CAMSAP2: variants seen among roughly 807,000 people sequenced by gnomAD.
CAMSAP2 encodes calmodulin regulated spectrin associated protein family member 2.
CAMSAP2 carries 26 observed loss-of-function variants against 146.1 expected under a neutral mutation model. The observed-to-expected ratio is 0.18, with a 90% confidence interval of 0.13 to 0.25. The LOEUF is 0.25. Among genes scored for constraint, CAMSAP2 ranks in the 10% least tolerant of loss-of-function variants. The probability of loss-of-function intolerance (pLI) is 1.00; values close to 1 mark genes in which losing one functional copy is unlikely to be tolerated. For missense variants in CAMSAP2, 1,381 were observed against 1,759.3 expected, an observed-to-expected ratio of 0.78 and a Z score of 3.85; for synonymous variants, 499 against 596.6, an observed-to-expected ratio of 0.84 and a Z score of 2.38.
intron 4 of CAMSAP2, among the ~76,000 whole-genome samples, chr1:200,828,075 G>T (rs1486475797): frequency 2.0e-5 from 3 of 152,036 alleles, no homozygotes; most frequent in African/African-American, 7.2e-5. Context: ...TGAAGGAAAT[G>T]ATCATCTTGA....
intron 3 of CAMSAP2, among the ~76,000 whole-genome samples, chr1:200,814,954 C>A (rs961491195): frequency 2.0e-5 from 3 of 151,738 alleles, no homozygotes; most frequent in African/African-American, 7.3e-5. Flanking sequence ...AATTTATGCA[C>A]CATGTAGACT....
Position 200,848,363 on chromosome 1 carries a change from G to A in CAMSAP2, c.1594G>A (p.Glu532Lys), listed in dbSNP as rs778392044. 8 of 1,613,868 alleles carry A rather than the reference G, an allele frequency of 5.0e-6. No individual in the cohort carries two copies. Among genetic ancestry groups the A allele is most frequent in the Admixed American group, 3.3e-5 (2 of 59,998 alleles). The change falls in exon 11 of 17, where the codon GAG becomes AAG. Residue 532 changes from glutamate (E) to lysine (K), a missense_variant. This residue lies in a region of CAMSAP2 where 447 missense variants were observed against 462.2 expected (regional missense o/e 0.97). Transcript: ENST00000358823. ...TTTACAAAATAGAATACTTCTTGAC[G>A]AGTTTGGCAATCAGATCGAGACACC... is the stretch of plus-strand genomic sequence containing the variant. The part of the protein sequence containing the change: ...GALQNRILLD[E>K]FGNQIETPSI...
At chr1:200,847,572 T>C in intron 9 of CAMSAP2, 68 bp from the exon 10 acceptor site, 1 of 1,175,340 alleles carries the variant, frequency 8.5e-7, no homozygotes, top group Non-Finnish European at 1.3e-6. Context: ...ATACATGAAA[T>C]CTCCTAAGTT....
At chr1:200,799,690 G>T (rs765272574) in intron 2 of CAMSAP2, among the ~76,000 whole-genome samples, 20 of 151,918 alleles carry the variant, frequency 1.3e-4, no homozygotes, top group Admixed American at 2.0e-4. Flanking sequence ...TGCTCTGATC[G>T]TAGTTATTTC....
chr1:200,828,547 C>T (rs1558197504), intron 4 of CAMSAP2: 13 of 1,549,136 alleles, frequency 8.4e-6, no homozygotes, highest in Non-Finnish European at 1.0e-5. Flanking sequence ...TTGCTTTCCC[C>T]TTTTTTCCCG....
intron 1 of CAMSAP2, among the ~76,000 whole-genome samples, chr1:200,740,620 AT>A (rs1664134960): frequency 6.6e-6 from 1 of 152,134 alleles, no homozygotes; most frequent in African/African-American, 2.4e-5. Flanking sequence ...TTCCAAATGT[AT>A]TTTGGCTTCA....
At chr1:200,843,278 A>G (rs758166563) in intron 7 of CAMSAP2, among the ~76,000 whole-genome samples, 2 of 152,200 alleles carry the variant, frequency 1.3e-5, no homozygotes, top group African/African-American at 2.4e-5. Flanking sequence ...GGAAAAACAT[A>G]TGTAGCCAAA....
In CAMSAP2 at chr1:200,807,516, T is replaced by G. The variant is rs1399257557; in HGVS notation, c.540T>G (p.Ala180=). The change falls in exon 3 of 17, where the codon GCT becomes GCG. Residue 180 remains alanine, a synonymous_variant. Transcript: ENST00000358823. ...ATDLPYDIED[A]VMYWINKVNE... ...ATCTGCCCTATGATATTGAGGACGC[T>G]GTCATGTACTGGATAAATAAGGTAG... 6.2e-7 allele frequency: 1 copy of G among 1,606,526 alleles called. No homozygotes were observed. Among genetic ancestry groups the G allele is most frequent in the African/African-American group, 1.3e-5 (1 of 74,582 alleles).
chr1:200,769,463 C>G (rs1313381064), intron 2 of CAMSAP2, among the ~76,000 whole-genome samples: 1 of 152,108 alleles, frequency 6.6e-6, no homozygotes, highest in African/African-American at 2.4e-5. Context: ...GAGATAGTAT[C>G]AGATCAGTGT....
chr1:200,791,787 GA>G (rs1201319647), intron 2 of CAMSAP2, among the ~76,000 whole-genome samples: 2 of 152,098 alleles, frequency 1.3e-5, no homozygotes, highest in African/African-American at 4.8e-5. Flanking sequence ...CCAATATGGT[GA>G]AGCCCTGTCT....
At chr1:200,836,598 G>A (rs1392418921) in intron 6 of CAMSAP2, among the ~76,000 whole-genome samples, 1 of 152,122 alleles carries the variant, frequency 6.6e-6, no homozygotes, top group Admixed American at 6.5e-5. Context: ...GTTCCTTTGG[G>A]ATATACCCAG....
chr1:200,740,249 A>G (rs1025450294), intron 1 of CAMSAP2, among the ~76,000 whole-genome samples: 7 of 150,808 alleles, frequency 4.6e-5, no homozygotes, highest in Non-Finnish European at 8.8e-5. Context: ...GTTTTTACAT[A>G]GAGTGGTTTT....
intron 2 of CAMSAP2, among the ~76,000 whole-genome samples, chr1:200,782,865 C>T (rs1267677088): frequency 4.4e-5 from 6 of 137,816 alleles, no homozygotes; most frequent in Non-Finnish European, 7.7e-5. Flanking sequence ...GGCTTGATCA[C>T]GGGCTCAACC....
chr1:200,855,109 T>G (rs558991537), intron 14 of CAMSAP2, among the ~76,000 whole-genome samples: 12 of 150,494 alleles, frequency 8.0e-5, no homozygotes, highest in Middle Eastern at 3.4e-3. Context: ...TCTTTTAGAA[T>G]TTAGAATTAT....
intron 2 of CAMSAP2, among the ~76,000 whole-genome samples, chr1:200,803,152 T>C (rs974273614): frequency 6.6e-6 from 1 of 152,222 alleles, no homozygotes; most frequent in Non-Finnish European, 1.5e-5. Flanking sequence ...GGTTGGGATT[T>C]AAGTCTGCAG....
At chr1:200,768,253 T>C (rs997516641) in intron 2 of CAMSAP2, among the ~76,000 whole-genome samples, 1 of 152,140 alleles carries the variant, frequency 6.6e-6, no homozygotes, top group African/African-American at 2.4e-5. Context: ...CATAGAGAAA[T>C]GAAGGCTGTG....
chr1:200,763,737 G>A (rs949432762), intron 2 of CAMSAP2, among the ~76,000 whole-genome samples: 4 of 152,042 alleles, frequency 2.6e-5, no homozygotes, highest in Admixed American at 6.6e-5. Flanking sequence ...TGAAACCTGC[G>A]TGAGAAAATT....
At chr1:200,803,298 A>T (rs935837240) in intron 2 of CAMSAP2, among the ~76,000 whole-genome samples, 1 of 152,192 alleles carries the variant, frequency 6.6e-6, no homozygotes, top group Non-Finnish European at 1.5e-5. Context: ...AATAGTGCTT[A>T]CCCTCACAGG....
chr1:200,772,328 G>T lies in CAMSAP2; in HGVS notation c.399+11230G>T, dbSNP rs552519941. Among the ~76,000 whole-genome samples, 2 of 152,162 alleles carry T rather than the reference G, an allele frequency of 1.3e-5. 1 individual carries two copies. The highest frequency in any genetic ancestry group is 4.1e-4 in the South Asian group (2 of 4,828). On this transcript the variant is annotated intron_variant, in intron 2 of 16. Coordinates refer to ENST00000358823, the MANE Select transcript of CAMSAP2 (RefSeq NM_203459.4). ...CCACATTTAAAAAATACTAATGTAGGCTGGGCACAGTGACTCACACCTATA... is the reference window on the plus strand; with the variant it reads ...CCACATTTAAAAAATACTAATGTAGTCTGGGCACAGTGACTCACACCTATA...
Sources: allele counts gnomAD v4.1 joint callset (sites outside exome capture counted in the v4.1 genomes callset), GRCh38; gene constraint gnomAD v4.1.1; regional missense constraint gnomAD v4.1.1; transcripts MANE v1.5; gene names NCBI Gene and HGNC (gene_info 2026-07-23, HGNC 2026-07-21).